Variants in DNAH6 observed in about 807,000 individuals in gnomAD.
The protein encoded by DNAH6 is dynein axonemal heavy chain 6, also known as axonemal beta dynein heavy chain 6.
In DNAH6, 340 loss-of-function variants were observed where a neutral mutation model predicts 491.4. The observed-to-expected ratio is 0.69, with a 90% confidence interval of 0.63 to 0.76. The LOEUF (loss-of-function observed/expected upper bound fraction) is 0.76, where lower values mean the gene tolerates loss of function less well. Ranked by LOEUF, DNAH6 falls within the 30% of genes least tolerant of loss-of-function variation. The pLI, the probability that DNAH6 is intolerant of heterozygous loss-of-function variation, is 0.00. For synonymous variants in DNAH6, 1,603 were observed against 1,686.1 expected (o/e 0.95, Z 1.21); for missense variants, 4,443 against 4,972.2 (o/e 0.89, Z 3.20).
intron 4 of DNAH6, among the ~76,000 whole-genome samples, chr2:84,531,329 T>TACAACTGAGACATAGAAGACTGAA (rs1677151090): frequency 2.5e-4 from 6 of 23,786 alleles, no homozygotes; most frequent in Admixed American, 5.6e-4. Flanking sequence ...ATTTTCCTTT[T>TACAACTGAGACATAGAAGACTGAA]TTTTTTTATT....
At chr2:84,699,542 A>C in intron 47 of DNAH6, 52 bp from the exon 48 acceptor site, 1 of 1,483,470 alleles carries the variant, frequency 6.7e-7, no homozygotes, top group Non-Finnish European at 9.1e-7. Flanking sequence ...ACTTATTTTC[A>C]TTGTTGCTTA....
chr2:84,657,875 G>A (rs1691127691), intron 35 of DNAH6, among the ~76,000 whole-genome samples: 1 of 151,962 alleles, frequency 6.6e-6, no homozygotes, highest in Non-Finnish European at 1.5e-5. Flanking sequence ...AGTGAGAGGG[G>A]CTGAATTCAC....
chr2:84,709,481 A>T lies in DNAH6; in HGVS notation c.9187A>T (p.Thr3063Ser). The T allele has an allele frequency of 6.4e-7, 1 of 1,551,674 alleles. No individual in the cohort carries two copies. The highest frequency in any genetic ancestry group is 1.2e-5 in the South Asian group (1 of 84,042). ...TGGGCTGCCCCGTGACTTGATATCA[A>T]CAGAAAATGGCATTTTGGTTACTCA... Reference protein sequence around the residue: ...TDGLPRDLISTENGILVTQGR... With the variant: ...TDGLPRDLISSENGILVTQGR... The change falls in exon 55 of 77, where the codon ACA becomes TCA. Residue 3063 changes from threonine to serine, a missense_variant. Thr to Ser is a moderately conservative substitution (Grantham distance 58). Around this residue, in one of 3 missense-constraint regions of DNAH6, gnomAD observed 1,463 missense variants for 1,656.6 expected, o/e 0.88. Transcript: ENST00000389394.
At chr2:84,623,278 A>G (rs1203837699) in intron 26 of DNAH6, among the ~76,000 whole-genome samples, 1 of 152,230 alleles carries the variant, frequency 6.6e-6, no homozygotes, top group Non-Finnish European at 1.5e-5. Flanking sequence ...TTGCACAGCA[A>G]GGAAACAATC....
chr2:84,779,010 T>A (rs753711532), intron 64 of DNAH6, among the ~76,000 whole-genome samples: 42 of 152,324 alleles, frequency 2.8e-4, no homozygotes, highest in African/African-American at 7.7e-4. Context: ...GAGAGTATGC[T>A]TGGTATGATT....
intron 3 of DNAH6, among the ~76,000 whole-genome samples, chr2:84,526,111 G>A (rs1342812661): frequency 6.6e-6 from 1 of 152,174 alleles, no homozygotes; most frequent in Non-Finnish European, 1.5e-5. Flanking sequence ...AAGACAATTT[G>A]TGTAGCTGGT....
chr2:84,584,273 A>G, intron 15 of DNAH6, 23 bp downstream of exon 15: 5 of 1,606,770 alleles, frequency 3.1e-6, no homozygotes, highest in Non-Finnish European at 3.4e-6. Context: ...ATTATTTTGT[A>G]AAAATAATCT....
At chr2:84,720,331 T>A (rs1697996455) in intron 59 of DNAH6, among the ~76,000 whole-genome samples, 1 of 124,606 alleles carries the variant, frequency 8.0e-6, no homozygotes, top group Non-Finnish European at 1.6e-5. Flanking sequence ...CAGGCTGGAG[T>A]GCAGTGGCGG....
At chr2:84,617,404 TATTAA>T (rs1686966274) in intron 23 of DNAH6, among the ~76,000 whole-genome samples, 1 of 152,104 alleles carries the variant, frequency 6.6e-6, no homozygotes, top group South Asian at 2.1e-4. Flanking sequence ...AAATTATTAC[TATTAA>T]ATTATCATTA....
At chr2:84,595,888 T>G in intron 18 of DNAH6, 99 bp downstream of exon 18, 1 of 1,254,802 alleles carries the variant, frequency 8.0e-7, no homozygotes, top group Middle Eastern at 1.9e-4. Flanking sequence ...ATTAAGTTAG[T>G]CAGCTTTGCA....
At chr2:84,498,405 A>G in the DNAH6 span, among the ~76,000 whole-genome samples, 1 of 152,228 alleles carries the variant, frequency 6.6e-6, no homozygotes, top group Non-Finnish European at 1.5e-5. Context: ...TGGTGTGCAT[A>G]AAGCCCTAGT....
chr2:84,778,261 C>G, intron 64 of DNAH6: 2 of 597,048 alleles, frequency 3.3e-6, no homozygotes, highest in Non-Finnish European at 6.3e-6. Flanking sequence ...GAATGCATGT[C>G]CGGCGGGCAT....
intron 30 of DNAH6, among the ~76,000 whole-genome samples, chr2:84,636,219 GCT>G (rs1688866739): frequency 6.6e-6 from 1 of 152,128 alleles, no homozygotes; most frequent in South Asian, 2.1e-4. Context: ...GACTCCTGAT[GCT>G]CAGGCCCAGC....
At position 84,745,067 on chromosome 2, in the gene DNAH6, A is replaced by C. The variant is rs1315762384; in HGVS notation, c.10343-13A>C. ...AATCTAATTAAATTATCTTTTTTAA[A>C]TTGTATTTCCAGGATCTTTTGAGAC... On this transcript the variant is annotated splice_polypyrimidine_tract_variant and intron_variant, in intron 62 of 76. Transcript: ENST00000389394. 1 of 1,441,270 alleles carries C rather than the reference A, an allele frequency of 6.9e-7. No homozygotes were observed. The allele number at this position is 1,441,270 out of a possible 1,614,324, so 89.3% of individuals were successfully genotyped here. A position where few individuals can be genotyped will look rare whatever the true frequency, so the allele number is the denominator to read the frequency against.
At chr2:84,526,800 C>T (rs1676645234) in intron 3 of DNAH6, among the ~76,000 whole-genome samples, 1 of 152,004 alleles carries the variant, frequency 6.6e-6, no homozygotes, top group Non-Finnish European at 1.5e-5. Context: ...AGCTCTTTCT[C>T]CAGAAAAGAT....
intron 16 of DNAH6, among the ~76,000 whole-genome samples, chr2:84,589,561 A>T (rs1201728879): frequency 1.3e-5 from 2 of 151,870 alleles, no homozygotes. Context: ...AAAATACAAA[A>T]ATTACCCAGG....
the DNAH6 span, among the ~76,000 whole-genome samples, chr2:84,496,539 A>G: frequency 6.6e-6 from 1 of 152,170 alleles, no homozygotes; most frequent in Non-Finnish European, 1.5e-5. Context: ...AGAGATATTC[A>G]TGTGAATCAC....
intron 46 of DNAH6, among the ~76,000 whole-genome samples, chr2:84,696,336 G>A (rs1695383688): frequency 6.6e-6 from 1 of 151,884 alleles, no homozygotes; most frequent in East Asian, 1.9e-4. Flanking sequence ...AATTAATGAT[G>A]TGTCTTAGGA....
chr2:84,602,797 G>GTTTTTTTTTTTTTTTTTT (rs70949898), intron 18 of DNAH6, among the ~76,000 whole-genome samples: 1 of 121,866 alleles, frequency 8.2e-6, no homozygotes. Context: ...TGGATGCTCT[G>GTTTTTTTTTTTTTTTTTT]TTTTTTTTTT....
Sources: gnomAD v4.1 joint callset for allele counts (sites outside exome capture counted in the v4.1 genomes callset) on GRCh38, gnomAD v4.1.1 for gene constraint, gnomAD v4.1.1 regional missense constraint, MANE v1.5 for transcripts, NCBI Gene and HGNC (gene_info 2026-07-23, HGNC 2026-07-21) for gene names.